Variants in WDFY3 observed in about 807,000 individuals in gnomAD.
The protein encoded by WDFY3 is WD repeat and FYVE domain-containing protein 3.
Under a neutral mutation model 409.6 loss-of-function variants are expected in WDFY3, and 66 were observed. The ratio of observed to expected loss-of-function variants is 0.16; its 90% confidence interval spans 0.13 to 0.20. The LOEUF is 0.20. Among genes scored for constraint, WDFY3 ranks in the 10% least tolerant of loss-of-function variants. The probability of loss-of-function intolerance (pLI) is 1.00; values close to 1 mark genes in which losing one functional copy is unlikely to be tolerated. For missense variants in WDFY3, 3,031 were observed against 4,298.1 expected, an observed-to-expected ratio of 0.71 and a Z score of 8.24; for synonymous variants, 1,521 against 1,537.1, an observed-to-expected ratio of 0.99 and a Z score of 0.25.
At chr4:84,906,547 C>T (rs1767065752) in intron 2 of WDFY3, among the ~76,000 whole-genome samples, 2 of 152,040 alleles carry the variant, frequency 1.3e-5, no homozygotes, top group African/African-American at 2.4e-5. Context: ...CCTTGGTATC[C>T]ACAGGAAATT....
intron 1 of WDFY3, among the ~76,000 whole-genome samples, chr4:84,954,979 T>C (rs1017705462): frequency 1.3e-5 from 2 of 151,906 alleles, no homozygotes; most frequent in African/African-American, 4.8e-5. Flanking sequence ...CTGAGGCAGG[T>C]GGATCACTTG....
At chr4:84,940,182 G>A (rs1306853455) in intron 1 of WDFY3, among the ~76,000 whole-genome samples, 1 of 152,012 alleles carries the variant, frequency 6.6e-6, no homozygotes, top group East Asian at 1.9e-4. Flanking sequence ...GAAGTGCTAT[G>A]TCCATATCAC....
intron 2 of WDFY3, among the ~76,000 whole-genome samples, chr4:84,898,901 A>G (rs925500459): frequency 6.6e-6 from 1 of 152,212 alleles, no homozygotes; most frequent in Non-Finnish European, 1.5e-5. Flanking sequence ...ATCATCAAAA[A>G]CTAACACAAA....
Position 84,721,499 on chromosome 4 carries a change from T to C in WDFY3, c.7515A>G (p.Leu2505=), listed in dbSNP as rs771998109. ...DGGDEENQEQ[L]QDQIAEGSSI... Reference sequence around the variant, plus strand: ...AGCTGCCCTCAGCAATCTGGTCTTGTAGCTGCTCCTGGTTCTCCTCATCTC... The same window carrying C: ...AGCTGCCCTCAGCAATCTGGTCTTGCAGCTGCTCCTGGTTCTCCTCATCTC... Residue 2505 remains leucine, a synonymous_variant, in exon 47 of 68, where the codon CTA becomes CTG. Transcript: ENST00000295888. 5.0e-6 allele frequency: 8 copies of C among 1,612,736 alleles called. No individual in the cohort carries two copies. The highest frequency in any genetic ancestry group is 4.0e-5 in the African/African-American group (3 of 74,934).
chr4:84,727,786 A>G (rs907612106), intron 44 of WDFY3, among the ~76,000 whole-genome samples: 1 of 152,212 alleles, frequency 6.6e-6, no homozygotes, highest in African/African-American at 2.4e-5. Flanking sequence ...TTGCTTACCA[A>G]GGCAAAACCA....
At chr4:84,755,472 G>A in intron 33 of WDFY3, 72 bp from the exon 34 acceptor site, 2 of 1,517,468 alleles carry the variant, frequency 1.3e-6, no homozygotes, top group South Asian at 2.6e-5. Context: ...AGTTCTAATA[G>A]GCTAAAATTT....
chr4:84,958,086 T>A (rs1283555229), intron 1 of WDFY3, among the ~76,000 whole-genome samples: 7 of 152,202 alleles, frequency 4.6e-5, no homozygotes, highest in Admixed American at 2.6e-4. Context: ...TTCTTGCGCA[T>A]AAGATTAGTG....
intron 43 of WDFY3, among the ~76,000 whole-genome samples, chr4:84,734,371 C>T (rs574130690): frequency 6.6e-6 from 1 of 152,038 alleles, no homozygotes; most frequent in Non-Finnish European, 1.5e-5. Flanking sequence ...GTAAAGATTA[C>T]TGAGTGAACA....
At chr4:84,675,739 G>C (rs1726165990) in intron 67 of WDFY3, among the ~76,000 whole-genome samples, 1 of 152,108 alleles carries the variant, frequency 6.6e-6, no homozygotes, top group Admixed American at 6.5e-5. Context: ...TCTGGAGTAA[G>C]GCAATATAAG....
intron 1 of WDFY3, among the ~76,000 whole-genome samples, chr4:84,948,349 T>C (rs1012746172): frequency 7.2e-5 from 11 of 152,276 alleles, no homozygotes; most frequent in South Asian, 4.1e-4. Flanking sequence ...CATCAGCAGT[T>C]CTTTGCATCT....
intron 10 of WDFY3, among the ~76,000 whole-genome samples, chr4:84,825,504 T>C (rs552260656): frequency 4.3e-4 from 65 of 152,038 alleles, no homozygotes; most frequent in African/African-American, 3.9e-4. Context: ...CAGGTGTGAA[T>C]TGCCACACTA....
chr4:84,855,342 C>T lies in WDFY3; in HGVS notation c.180+5070G>A, dbSNP rs2869217. On this transcript the variant is annotated intron_variant, in intron 4 of 67. Coordinates refer to ENST00000295888, the MANE Select transcript of WDFY3 (RefSeq NM_014991.6). ...TTCTCAAACTGTGCATGAACCCTAT[C>T]ACTAAACTGTGCATAGTGTTCATCT... 8.4e-3 allele frequency among the ~76,000 whole-genome samples: 1,274 copies of T among 152,276 alleles called. 23 individuals carry two copies. The highest frequency in any genetic ancestry group is 0.029 in the African/African-American group (1,203 of 41,552).
At chr4:84,813,212 GA>G (rs1752781096) in intron 13 of WDFY3, among the ~76,000 whole-genome samples, 1 of 152,080 alleles carries the variant, frequency 6.6e-6, no homozygotes, top group Non-Finnish European at 1.5e-5. Context: ...AGTAAAAATG[GA>G]AATTGAAACT....
chr4:84,682,298 T>C (rs1727499798), intron 64 of WDFY3, 76 bp downstream of exon 64: 2 of 1,381,680 alleles, frequency 1.4e-6, no homozygotes, highest in South Asian at 1.3e-5. Flanking sequence ...TTTATGTTGT[T>C]TGGTATAAGC....
rs1170304084 is a variant in WDFY3 at position 84,833,661 on chromosome 4, A to AAAAAGAAAAGAAAAGAAAAG, written c.577-2076_577-2057dup. Among the ~76,000 whole-genome samples, 1,489 of 149,928 alleles carry AAAAAGAAAAGAAAAGAAAAG rather than the reference A, an allele frequency of 9.9e-3. 7 individuals are homozygous for AAAAAGAAAAGAAAAGAAAAG. The highest frequency in any genetic ancestry group is 0.016 in the Non-Finnish European group (1,070 of 67,636). On this transcript the variant is annotated intron_variant, in intron 7 of 67. Coordinates refer to ENST00000295888, the MANE Select transcript of WDFY3 (RefSeq NM_014991.6). Reference sequence around the variant, plus strand: ...AGAGTGAGACCTTGTCTCAAAAGAGAAAAAGAAAAGAAAAGAAAAGAAAAG... The same window carrying AAAAAGAAAAGAAAAGAAAAG: ...AGAGTGAGACCTTGTCTCAAAAGAGAAAAAGAAAAGAAAAGAAAAGAAAAGAAAAGAAAAGAAAAGAAAAG...
At chr4:84,951,141 T>C (rs1356980803) in intron 1 of WDFY3, among the ~76,000 whole-genome samples, 1 of 152,258 alleles carries the variant, frequency 6.6e-6, no homozygotes, top group Non-Finnish European at 1.5e-5. Context: ...CCTCACAGGA[T>C]GCTTAATATT....
intron 2 of WDFY3, among the ~76,000 whole-genome samples, chr4:84,903,909 A>G (rs372994589): frequency 6.6e-6 from 1 of 151,922 alleles, no homozygotes; most frequent in Admixed American, 6.6e-5. Context: ...CCGTCCATCC[A>G]TCCGCCCGCC....
At chr4:84,828,734 G>T (rs995529792) in intron 9 of WDFY3, among the ~76,000 whole-genome samples, 2 of 152,066 alleles carry the variant, frequency 1.3e-5, no homozygotes, top group African/African-American at 2.4e-5. Flanking sequence ...CTGTCTCTAT[G>T]GAAAATGTTT....
rs1457256168 is a variant in WDFY3 at position 84,821,152 on chromosome 4, A to G, written c.1523T>C (p.Val508Ala). 1 of 1,613,638 alleles carries G rather than the reference A, an allele frequency of 6.2e-7. No homozygotes were observed. Among genetic ancestry groups the G allele is most frequent in the Admixed American group, 1.7e-5 (1 of 59,876 alleles). The change falls in exon 11 of 68, where the codon GTC becomes GCC. Residue 508 changes from valine (V) to alanine (A), a missense_variant. Physicochemically the swap from Val to Ala is moderately conservative, Grantham distance 64. Around this residue, in one of 16 missense-constraint regions of WDFY3, gnomAD observed 1,322 missense variants for 1,697.9 expected, o/e 0.78. Coordinates refer to ENST00000295888, the MANE Select transcript of WDFY3 (RefSeq NM_014991.6). Reference sequence around the variant, plus strand: ...ATATTTATGCAAAAGGTTTACCATGACCTCCAAAAGGCCAACCTCCCTGAA... The same window carrying G: ...ATATTTATGCAAAAGGTTTACCATGGCCTCCAAAAGGCCAACCTCCCTGAA... Reference protein sequence around the residue: ...DVFREVGLLEVMVNLLHKYAA... With the variant: ...DVFREVGLLEAMVNLLHKYAA...
Sources: gnomAD v4.1 joint callset for allele counts (sites outside exome capture counted in the v4.1 genomes callset) on GRCh38, gnomAD v4.1.1 for gene constraint, gnomAD v4.1.1 regional missense constraint, MANE v1.5 for transcripts, NCBI Gene and HGNC (gene_info 2026-07-23, HGNC 2026-07-21) for gene names.